LDB2: variants seen among roughly 807,000 people sequenced by gnomAD.
The protein encoded by LDB2 is LIM domain binding 2, also known as LIM domain-binding protein 2.
Under a neutral mutation model 44.3 loss-of-function variants are expected in LDB2, and 12 were observed. The observed-to-expected ratio is 0.27, with a 90% CI of 0.17 to 0.44. The LOEUF is 0.44. Among genes scored for constraint, LDB2 ranks in the 20% least tolerant of loss-of-function variants. The pLI is 1.00. For synonymous variants in LDB2, 164 were observed against 174.8 expected (o/e 0.94, Z 0.49); for missense variants, 344 against 473.5 (o/e 0.73, Z 2.54).
intron 2 of LDB2, among the ~76,000 whole-genome samples, chr4:16,727,143 TA>T (rs1243435763): frequency 6.6e-6 from 1 of 152,160 alleles, no homozygotes; most frequent in African/African-American, 2.4e-5. Context: ...GTAGAACTAG[TA>T]AGTTCGGTAG....
intron 2 of LDB2, among the ~76,000 whole-genome samples, chr4:16,605,596 A>G (rs1186076589): frequency 6.6e-6 from 1 of 152,246 alleles, no homozygotes; most frequent in Non-Finnish European, 1.5e-5. Context: ...CTTTTAGCTC[A>G]GTGCTGTCTT....
chr4:16,879,838 A>C (rs1203505139), intron 1 of LDB2, among the ~76,000 whole-genome samples: 1 of 152,186 alleles, frequency 6.6e-6, no homozygotes, highest in African/African-American at 2.4e-5. Context: ...CCCTAGAAAC[A>C]GGAAGCCAAT....
intron 7 of LDB2, chr4:16,506,022 C>G (rs1341098142): frequency 6.5e-7 from 1 of 1,543,204 alleles, no homozygotes. Flanking sequence ...GGATTAAACC[C>G]TAGCCCTCGC....
intron 2 of LDB2, among the ~76,000 whole-genome samples, chr4:16,723,869 A>G (rs1758853733): frequency 6.6e-6 from 1 of 152,120 alleles, no homozygotes; most frequent in African/African-American, 2.4e-5. Flanking sequence ...CCACTCCCAG[A>G]TTCCTCCTCC....
rs1730804770 is a variant in LDB2 at position 16,628,080 on chromosome 4, A to G, written c.236-32205T>C. On this transcript the variant is annotated intron_variant, in intron 2 of 7. Transcript: ENST00000304523. ...GTGAGCCAGGATGTCCCCAAGTTCA[A>G]CATAAGGAAAGAGAAACGAGGCTGC... Among the ~76,000 whole-genome samples the G allele has an allele frequency of 2.0e-5, 3 of 152,190 alleles. No individual in the cohort carries two copies. In the South Asian group the frequency reaches 6.2e-4, roughly 32 times the overall value.
intron 2 of LDB2, among the ~76,000 whole-genome samples, chr4:16,734,369 T>C (rs1761404931): frequency 6.6e-6 from 1 of 152,180 alleles, no homozygotes. Flanking sequence ...TGGAAATGAT[T>C]TAAGGAACAT....
At chr4:16,785,471 G>C (rs2109520789) in intron 1 of LDB2, among the ~76,000 whole-genome samples, 1 of 152,322 alleles carries the variant, frequency 6.6e-6, no homozygotes, top group South Asian at 2.1e-4. Flanking sequence ...ATGAGCAGTT[G>C]CAAGTGCCCA....
chr4:16,511,964 G>A lies in LDB2; in HGVS notation c.739+17C>T, dbSNP rs761913045. ...CTGAAAACGTGTTTAGAGAGAGAGTGAAGAATGAGGGTGTACCTGGCGGAG... is the reference window on the plus strand; with the variant it reads ...CTGAAAACGTGTTTAGAGAGAGAGTAAAGAATGAGGGTGTACCTGGCGGAG... On this transcript the variant is annotated intron_variant, in intron 6 of 7. Transcript: ENST00000304523. 1.8e-5 allele frequency: 29 copies of A among 1,606,288 alleles called. 1 individual carries two copies. In the Admixed American group the frequency reaches 4.4e-4, roughly 25 times the overall value.
At chr4:16,796,145 C>T (rs575019702) in intron 1 of LDB2, among the ~76,000 whole-genome samples, 7 of 151,928 alleles carry the variant, frequency 4.6e-5, no homozygotes, top group Admixed American at 2.6e-4. Flanking sequence ...AAAATTAGCC[C>T]GTCATGGTGG....
intron 5 of LDB2, among the ~76,000 whole-genome samples, chr4:16,560,427 T>C (rs1260904106): frequency 2.0e-5 from 3 of 152,100 alleles, no homozygotes; most frequent in African/African-American, 4.8e-5. Context: ...CATCAGAGAA[T>C]AGTACAAACA....
intron 1 of LDB2, among the ~76,000 whole-genome samples, chr4:16,890,353 G>C (rs570472597): frequency 2.0e-5 from 3 of 152,182 alleles, no homozygotes; most frequent in South Asian, 2.1e-4. Flanking sequence ...AGATGGAAAG[G>C]GGGGGCACGG....
intron 2 of LDB2, among the ~76,000 whole-genome samples, chr4:16,613,736 G>C (rs1429420836): frequency 6.6e-6 from 1 of 152,102 alleles, no homozygotes; most frequent in Non-Finnish European, 1.5e-5. Flanking sequence ...TTTTCAAGGA[G>C]AACTACAAAC....
At chr4:16,765,604 C>T (rs1280099923) in intron 1 of LDB2, among the ~76,000 whole-genome samples, 1 of 152,190 alleles carries the variant, frequency 6.6e-6, no homozygotes, top group East Asian at 1.9e-4. Context: ...GCAGGATTCT[C>T]CTATAAATTA....
At chr4:16,549,359 T>C (rs1041829407) in intron 5 of LDB2, among the ~76,000 whole-genome samples, 1 of 152,206 alleles carries the variant, frequency 6.6e-6, no homozygotes, top group Non-Finnish European at 1.5e-5. Flanking sequence ...ACTGCTCTGG[T>C]TAGCAATTTT....
chr4:16,583,944 C>A (rs77303294), intron 5 of LDB2, among the ~76,000 whole-genome samples: 3,113 of 152,156 alleles, frequency 0.02, 118 homozygotes, highest in African/African-American at 0.071. Context: ...ACCATGAAGC[C>A]CAGCAACTGG....
intron 5 of LDB2, among the ~76,000 whole-genome samples, chr4:16,565,142 G>A (rs1744037675): frequency 6.6e-6 from 1 of 152,164 alleles, no homozygotes; most frequent in African/African-American, 2.4e-5. Flanking sequence ...AAATCAGCAT[G>A]AAGTCAAATC....
intron 2 of LDB2, among the ~76,000 whole-genome samples, chr4:16,742,229 A>G (rs1391683882): frequency 1.3e-5 from 2 of 151,548 alleles, no homozygotes; most frequent in Non-Finnish European, 2.9e-5. Context: ...GTGCCACCAC[A>G]CCCAATTAAT....
intron 1 of LDB2, among the ~76,000 whole-genome samples, chr4:16,818,362 G>C (rs1469932033): frequency 6.6e-6 from 1 of 152,200 alleles, no homozygotes; most frequent in Non-Finnish European, 1.5e-5. Context: ...ACTCCAGGCA[G>C]AACGCAAAGA....
At chr4:16,537,825 G>T (rs1408523114) in intron 5 of LDB2, among the ~76,000 whole-genome samples, 2 of 152,148 alleles carry the variant, frequency 1.3e-5, no homozygotes, top group African/African-American at 2.4e-5. Context: ...ACTGCCACTG[G>T]TTTCTCAAGC....
Sources: gnomAD v4.1 joint callset for allele counts (sites outside exome capture counted in the v4.1 genomes callset) on GRCh38, gnomAD v4.1.1 for gene constraint, MANE v1.5 for transcripts, NCBI Gene and HGNC (gene_info 2026-07-23, HGNC 2026-07-21) for gene names.